The following DYNC2H1 variants were observed in gnomAD, a reference collection of about 807,000 sequenced individuals.
DYNC2H1 encodes cytoplasmic dynein 2 heavy chain 1.
In DYNC2H1, 410 loss-of-function variants were observed where a neutral mutation model predicts 570.0. The ratio of observed to expected loss-of-function variants is 0.72; its 90% CI spans 0.66 to 0.78. DYNC2H1 has a LOEUF of 0.78. Ranked by LOEUF, DYNC2H1 falls within the 30% of genes least tolerant of loss-of-function variation. The pLI, the probability that DYNC2H1 is intolerant of heterozygous loss-of-function variation, is 0.00. For synonymous variants in DYNC2H1, 1,688 were observed against 1,677.6 expected, an observed-to-expected ratio of 1.01 and a Z score of -0.15; for missense variants, 4,865 against 5,046.4, an observed-to-expected ratio of 0.96 and a Z score of 1.09.
At chr11:103,279,428 G>A (rs946820751) in intron 70 of DYNC2H1, among the ~76,000 whole-genome samples, 3 of 152,072 alleles carry the variant, frequency 2.0e-5, no homozygotes, top group African/African-American at 7.2e-5. Flanking sequence ...GAATGTATGC[G>A]GCGTATTATT....
intron 87 of DYNC2H1, among the ~76,000 whole-genome samples, chr11:103,458,224 G>C (rs1188650255): frequency 1.3e-5 from 2 of 152,006 alleles, no homozygotes; most frequent in Non-Finnish European, 2.9e-5. Flanking sequence ...TCTATGCATA[G>C]ATACACTTAC....
At chr11:103,295,248 G>A (rs1353449264) in intron 75 of DYNC2H1, among the ~76,000 whole-genome samples, 2 of 152,204 alleles carry the variant, frequency 1.3e-5, no homozygotes, top group African/African-American at 2.4e-5. Flanking sequence ...GCCCCGGGCT[G>A]CTGTATATGC....
chr11:103,223,769 GAC>G (rs1332509303), intron 59 of DYNC2H1, among the ~76,000 whole-genome samples: 2 of 137,562 alleles, frequency 1.5e-5, no homozygotes, highest in Non-Finnish European at 3.1e-5. Flanking sequence ...TTTTTTTTGA[GAC>G]AGAGTCTTGC....
chr11:103,254,880 TC>T lies in DYNC2H1; in HGVS notation c.10207-533del, dbSNP rs1377618931. Among the ~76,000 whole-genome samples, 3 of 152,122 alleles carry T rather than the reference TC, an allele frequency of 2.0e-5. No homozygotes were observed. The highest frequency in any genetic ancestry group is 4.4e-5 in the Non-Finnish European group (3 of 68,014). ...TCTGCCTCCTAGGTTTAAGCTATTC[TC>T]CTGCCTCAGCCTCCCGAGTAGCTGG... is the stretch of plus-strand genomic sequence containing the variant. On this transcript the variant is annotated intron_variant, in intron 66 of 88. Coordinates refer to ENST00000375735, the MANE Select transcript of DYNC2H1 (RefSeq NM_001377.3). This position sits in a 1 kb window ranked among gnomAD's most constrained non-coding sequence, Gnocchi z 4.9.
intron 18 of DYNC2H1, among the ~76,000 whole-genome samples, chr11:103,146,878 A>C (rs1445377305): frequency 6.6e-6 from 1 of 152,204 alleles, no homozygotes; most frequent in African/African-American, 2.4e-5. Context: ...TGCTAGGATT[A>C]CAGGCCACTG....
chr11:103,162,581 C>T lies in DYNC2H1; in HGVS notation c.4492-447C>T, dbSNP rs113781579. On this transcript the variant is annotated intron_variant, in intron 29 of 88. Coordinates refer to ENST00000375735, the MANE Select transcript of DYNC2H1 (RefSeq NM_001377.3). ...ATGAAGCAATCCCTTCCTATGGTTA[C>T]GACTTTATGAATATAAGATCATCAG... is the stretch of plus-strand genomic sequence containing the variant. Among the ~76,000 whole-genome samples, 668 of 152,214 alleles carry T rather than the reference C, an allele frequency of 4.4e-3. 3 individuals carry two copies. The highest frequency in any genetic ancestry group is 0.015 in the African/African-American group (608 of 41,540).
chr11:103,226,342 G>A (rs1199422073), intron 59 of DYNC2H1, among the ~76,000 whole-genome samples: 2 of 152,142 alleles, frequency 1.3e-5, no homozygotes, highest in Non-Finnish European at 2.9e-5. Flanking sequence ...TATAATGTTG[G>A]CTGTGGGTTT....
chr11:103,222,593 A>C (rs1863629078), intron 58 of DYNC2H1, among the ~76,000 whole-genome samples: 2 of 152,218 alleles, frequency 1.3e-5, no homozygotes, highest in African/African-American at 4.8e-5. Context: ...CAACTACAAT[A>C]GTTTTAAAGC....
In DYNC2H1 at chr11:103,441,995, C is replaced by G. The variant is rs188296176; in HGVS notation, c.12456+5963C>G. On this transcript the variant is annotated intron_variant, in intron 85 of 88. Coordinates refer to ENST00000375735, the MANE Select transcript of DYNC2H1 (RefSeq NM_001377.3). ...CGGTGTTTCACACACAGCAAGTACT[C>G]AGTAAAATTATTCATAGAAGACTTA... Among the ~76,000 whole-genome samples, 38 of 152,102 alleles carry G rather than the reference C, an allele frequency of 2.5e-4. No individual in the cohort carries two copies. The East Asian group carries it at 7.2e-3, about 29-fold the overall frequency.
rs750401674 is a variant in DYNC2H1 at position 103,439,444 on chromosome 11, G to A, written c.12456+3412G>A. On this transcript the variant is annotated intron_variant, in intron 85 of 88. Coordinates refer to ENST00000375735, the MANE Select transcript of DYNC2H1 (RefSeq NM_001377.3). The surrounding 1 kb of genome is among the most constrained non-coding windows in gnomAD (Gnocchi z 4.1). ...GTGTTCAGGCTGGAGGGCAAGAGGGGCCAAATCATGATAATGTATTAAGGA... is the reference window on the plus strand; with the variant it reads ...GTGTTCAGGCTGGAGGGCAAGAGGGACCAAATCATGATAATGTATTAAGGA... 2.6e-5 allele frequency among the ~76,000 whole-genome samples: 4 copies of A among 152,132 alleles called. No homozygotes were observed. The highest frequency in any genetic ancestry group is 4.4e-5 in the Non-Finnish European group (3 of 68,016).
Position 103,117,846 on chromosome 11 carries a change from G to A in DYNC2H1, c.982G>A (p.Gly328Ser). 1 of 1,611,708 alleles carries A rather than the reference G, an allele frequency of 6.2e-7. No homozygotes were observed. The highest frequency in any genetic ancestry group is 8.5e-7 in the Non-Finnish European group (1 of 1,178,714). The change falls in exon 6 of 89, where the codon GGC becomes AGC. Residue 328 changes from glycine (G) to serine (S), a missense_variant. Physicochemically the swap from Gly to Ser is moderately conservative, Grantham distance 56 (BLOSUM62 0). This residue lies in a region of DYNC2H1 where 1,936 missense variants were observed against 1,962.1 expected (regional missense o/e 0.99). Transcript: ENST00000375735. ...KYFPETLDKL[G>S]KRLEEVLAIR... ...TTTTCCAGAAACACTTGACAAACTT[G>A]GCAAACGCCTTGAAGAGGTATCAAT... is the stretch of plus-strand genomic sequence containing the variant.
Position 103,170,150 on chromosome 11 carries a change from TG to T in DYNC2H1, c.5012del (p.Cys1671SerfsTer3). The T allele has an allele frequency of 6.2e-7, 1 of 1,613,076 alleles. No homozygotes were observed. Reference sequence around the variant, plus strand: ...GGTTTATACTCCACTGACAGACAAGTGCTACTTAACTCTCACTCAAGCCATG... The same window carrying T: ...GGTTTATACTCCACTGACAGACAAGTCTACTTAACTCTCACTCAAGCCATG... Reference protein sequence around the residue: ...KLVYTPLTDKCYLTLTQAMKM... With the variant: ...KLVYTPLTDKXYLTLTQAMKM... On this transcript the variant is annotated frameshift_variant, in exon 33 of 89. Coordinates refer to ENST00000375735, the MANE Select transcript of DYNC2H1 (RefSeq NM_001377.3). LOFTEE classifies it high-confidence loss of function. The surrounding 1 kb of genome is among the most constrained non-coding windows in gnomAD (Gnocchi z 4.8).
intron 82 of DYNC2H1, among the ~76,000 whole-genome samples, chr11:103,355,738 G>T (rs1396848258): frequency 2.6e-5 from 4 of 152,012 alleles, no homozygotes; most frequent in East Asian, 3.9e-4. Flanking sequence ...TAGAGATGGG[G>T]TCTTGCTTTG....
intron 84 of DYNC2H1, among the ~76,000 whole-genome samples, chr11:103,422,903 G>C (rs540835380): frequency 4.0e-4 from 61 of 151,824 alleles, no homozygotes; most frequent in Non-Finnish European, 7.5e-4. Flanking sequence ...AATTGTTTTT[G>C]TTTGCAGATG....
chr11:103,270,461 T>C (rs118132576), intron 70 of DYNC2H1, among the ~76,000 whole-genome samples: 7,540 of 151,828 alleles, frequency 0.05, 252 homozygotes, highest in Non-Finnish European at 0.072. Context: ...AGATTAACAA[T>C]AATAACTAAT....
chr11:103,429,554 T>C (rs1478499402), intron 84 of DYNC2H1, among the ~76,000 whole-genome samples: 2 of 152,190 alleles, frequency 1.3e-5, no homozygotes, highest in Admixed American at 1.3e-4. Flanking sequence ...TGCTCTAACT[T>C]TTATCACAAA....
At chr11:103,274,491 T>C (rs772231870) in intron 70 of DYNC2H1, among the ~76,000 whole-genome samples, 23 of 149,808 alleles carry the variant, frequency 1.5e-4, no homozygotes, top group Non-Finnish European at 2.8e-4. Flanking sequence ...TCGATAATTA[T>C]GTATTTCTTT....
rs897119657 is a variant in DYNC2H1 at position 103,181,056 on chromosome 11, T to C, written c.6348-701T>C. ...TTTTTTATAATTATATAAGGTATAA[T>C]TTTGAATAAGATGTGAATCTCTATT... On this transcript the variant is annotated intron_variant, in intron 39 of 88. Coordinates refer to ENST00000375735, the MANE Select transcript of DYNC2H1 (RefSeq NM_001377.3). This position sits in a 1 kb window ranked among gnomAD's most constrained non-coding sequence, Gnocchi z 5.0. 2.0e-5 allele frequency among the ~76,000 whole-genome samples: 3 copies of C among 151,510 alleles called. No homozygotes were observed. The highest frequency in any genetic ancestry group is 4.4e-5 in the Non-Finnish European group (3 of 67,620).
intron 19 of DYNC2H1, 118 bp from the exon 20 acceptor site, chr11:103,148,372 G>C (rs1860350106): frequency 5.8e-6 from 6 of 1,036,354 alleles, no homozygotes; most frequent in Non-Finnish European, 8.0e-6. Context: ...TGATAATTTA[G>C]AACTTATTGT....
Sources: gnomAD v4.1 joint callset for allele counts (sites outside exome capture counted in the v4.1 genomes callset) on GRCh38, gnomAD v4.1.1 for gene constraint, gnomAD v4.1.1 regional missense constraint, Gnocchi (gnomAD v3.1) non-coding constraint, MANE v1.5 for transcripts, NCBI Gene and HGNC (gene_info 2026-07-23, HGNC 2026-07-21) for gene names.